ATXN7L1: variants seen among roughly 807,000 people sequenced by gnomAD.
ATXN7L1 encodes ataxin 7 like 1.
A neutral mutation model predicts 70.8 loss-of-function variants in ATXN7L1; 15 were observed. The ratio of observed to expected loss-of-function variants is 0.21; its 90% CI spans 0.14 to 0.33. The LOEUF (loss-of-function observed/expected upper bound fraction) is 0.33. Ranked by LOEUF, ATXN7L1 falls within the 10% of genes least tolerant of loss-of-function variation. The probability of loss-of-function intolerance (pLI) is 1.00; values close to 1 mark genes in which losing one functional copy is unlikely to be tolerated. For synonymous variants in ATXN7L1, 440 were observed against 445.1 expected (o/e 0.99, Z 0.14); for missense variants, 975 against 1,097.1 (o/e 0.89, Z 1.57).
chr7:105,731,768 GAAA>G (rs533862301), intron 3 of ATXN7L1, among the ~76,000 whole-genome samples: 4 of 147,690 alleles, frequency 2.7e-5, no homozygotes, highest in Non-Finnish European at 4.5e-5. Flanking sequence ...GAAAAGAAAA[GAAA>G]AGAAAAGAAA....
At chr7:105,718,247 A>G (rs1200111189) in intron 3 of ATXN7L1, among the ~76,000 whole-genome samples, 1 of 152,184 alleles carries the variant, frequency 6.6e-6, no homozygotes, top group African/African-American at 2.4e-5. Flanking sequence ...AGGATACCTG[A>G]GTGGGGAAGA....
At chr7:105,680,462 T>G (rs1805387088) in intron 3 of ATXN7L1, among the ~76,000 whole-genome samples, 1 of 152,158 alleles carries the variant, frequency 6.6e-6, no homozygotes, top group Non-Finnish European at 1.5e-5. Flanking sequence ...TTCATCAGTT[T>G]CAGATTGAGA....
chr7:105,680,471 G>C (rs1805388763), intron 3 of ATXN7L1, among the ~76,000 whole-genome samples: 1 of 152,228 alleles, frequency 6.6e-6, no homozygotes, highest in Non-Finnish European at 1.5e-5. Context: ...TTCAGATTGA[G>C]AGGGAGTTGT....
rs1193411910 is a variant in ATXN7L1 at position 105,772,911 on chromosome 7, G to A, written c.355+15693C>T. The stretch of plus-strand genomic sequence containing the variant: ...TTATATACATTTTTCAATCACGTGA[G>A]ACATTTACAAAAGTGGTTCACATGC... On this transcript the variant is annotated intron_variant, in intron 3 of 11. Coordinates refer to ENST00000419735, the MANE Select transcript of ATXN7L1 (RefSeq NM_020725.2). 2.0e-5 allele frequency among the ~76,000 whole-genome samples: 3 copies of A among 152,132 alleles called. No homozygotes were observed. In the East Asian group the frequency reaches 5.8e-4, roughly 29 times the overall value.
At chr7:105,845,891 C>T (rs1169754428) in intron 2 of ATXN7L1, among the ~76,000 whole-genome samples, 1 of 152,166 alleles carries the variant, frequency 6.6e-6, no homozygotes, top group Non-Finnish European at 1.5e-5. Flanking sequence ...TGTACAAAAA[C>T]ATACCTCGAA....
chr7:105,716,383 G>A (rs997078658), intron 3 of ATXN7L1, among the ~76,000 whole-genome samples: 4 of 152,080 alleles, frequency 2.6e-5, no homozygotes, highest in Admixed American at 1.3e-4. Flanking sequence ...TTCCCGCAGC[G>A]TTTGGAGACC....
rs552250498 is a variant in ATXN7L1, at chr7:105,826,055, C to G, written c.251-37347G>C. 8.6e-5 allele frequency among the ~76,000 whole-genome samples: 13 copies of G among 151,850 alleles called. No homozygotes were observed. In the East Asian group the frequency reaches 1.4e-3, roughly 16 times the overall value. On this transcript the variant is annotated intron_variant, in intron 2 of 11. Transcript: ENST00000419735. Reference sequence around the variant, plus strand: ...AATGAAGAAGTACTCATATATATACCCTTTATAGAGATATGGAGTAAATAC... The same window carrying G: ...AATGAAGAAGTACTCATATATATACGCTTTATAGAGATATGGAGTAAATAC...
chr7:105,763,305 G>A (rs1284314918), intron 3 of ATXN7L1, among the ~76,000 whole-genome samples: 1 of 152,114 alleles, frequency 6.6e-6, no homozygotes, highest in Non-Finnish European at 1.5e-5. Flanking sequence ...CCATCCCTCT[G>A]TGTCCACTCA....
rs147839063 is a variant in ATXN7L1, at chr7:105,672,642, T to C, written c.356-7354A>G. Among the ~76,000 whole-genome samples the C allele has an allele frequency of 1.8e-4, 28 of 152,306 alleles. No homozygotes were observed. In the East Asian group the frequency reaches 5.4e-3, roughly 29 times the overall value. ...GAAAACATCAGATCTGGGGATGTTT[T>C]CAGAGCCCCTGTCTTAACTCTGGGC... On this transcript the variant is annotated intron_variant, in intron 3 of 11. Coordinates refer to ENST00000419735, the MANE Select transcript of ATXN7L1 (RefSeq NM_020725.2).
chr7:105,614,527 C>A lies in ATXN7L1; in HGVS notation c.1807G>T (p.Ala603Ser), dbSNP rs960858633. ...IMDSTFKAPSAVSPIPAVIPS... is the reference protein window; with the variant it reads ...IMDSTFKAPSSVSPIPAVIPS... ...ATGACGGCTGGTATCGGGGACACGG[C>A]GGATGGGGCCTTGAAGGTTGAGTCC... Residue 603 changes from alanine (A) to serine (S), a missense_variant, in exon 10 of 12, where the codon GCC becomes TCC. Ala to Ser is a moderately conservative substitution (Grantham distance 99). Transcript: ENST00000419735. This position sits in a 1 kb window ranked among gnomAD's most constrained non-coding sequence, Gnocchi z 4.3. The A allele has an allele frequency of 1.3e-6, 2 of 1,535,216 alleles. No individual in the cohort carries two copies. Among genetic ancestry groups the A allele is most frequent in the Non-Finnish European group, 1.8e-6 (2 of 1,137,298 alleles).
chr7:105,621,977 T>A (rs566357223), intron 8 of ATXN7L1, among the ~76,000 whole-genome samples: 1 of 152,226 alleles, frequency 6.6e-6, no homozygotes, highest in Admixed American at 6.5e-5. Context: ...TCATGTTAAG[T>A]GCTTACTGAC....
intron 3 of ATXN7L1, among the ~76,000 whole-genome samples, chr7:105,710,712 C>G (rs534255485): frequency 1.3e-5 from 2 of 152,138 alleles, no homozygotes; most frequent in African/African-American, 4.8e-5. Flanking sequence ...CACTTTTAAA[C>G]CATCTTTTTG....
At chr7:105,773,843 A>G (rs1001129743) in intron 3 of ATXN7L1, among the ~76,000 whole-genome samples, 2 of 152,182 alleles carry the variant, frequency 1.3e-5, no homozygotes, top group Non-Finnish European at 1.5e-5. Flanking sequence ...CAGGCCTACA[A>G]GTTGTGTAGA....
At chr7:105,829,657 C>T (rs575023701) in intron 2 of ATXN7L1, among the ~76,000 whole-genome samples, 1 of 152,200 alleles carries the variant, frequency 6.6e-6, no homozygotes, top group Non-Finnish European at 1.5e-5. Context: ...CCATCTTCAA[C>T]GTAACCAAAA....
At chr7:105,686,413 G>GCGCCTGTAATCCTA (rs1806191510) in intron 3 of ATXN7L1, among the ~76,000 whole-genome samples, 1 of 152,172 alleles carries the variant, frequency 6.6e-6, no homozygotes, top group Admixed American at 6.5e-5. Flanking sequence ...CTACTTGGGA[G>GCGCCTGTAATCCTA]GCTGAGGCAG....
chr7:105,758,168 G>A (rs1800042599), intron 3 of ATXN7L1, among the ~76,000 whole-genome samples: 1 of 152,116 alleles, frequency 6.6e-6, no homozygotes, highest in Non-Finnish European at 1.5e-5. Context: ...TTCCTGGTGG[G>A]CAGGCTGGGC....
intron 2 of ATXN7L1, among the ~76,000 whole-genome samples, chr7:105,870,635 T>TA (rs934957721): frequency 3.3e-5 from 5 of 151,948 alleles, no homozygotes; most frequent in South Asian, 2.1e-4. Flanking sequence ...TGGTATTCTT[T>TA]AAAAAAAAAT....
intron 2 of ATXN7L1, among the ~76,000 whole-genome samples, chr7:105,807,834 C>T (rs922235703): frequency 2.6e-5 from 4 of 152,208 alleles, no homozygotes; most frequent in Non-Finnish European, 5.9e-5. Flanking sequence ...CTGCGCTATC[C>T]GCACCAGAAG....
At chr7:105,786,351 G>T (rs986527390) in intron 3 of ATXN7L1, among the ~76,000 whole-genome samples, 21 of 152,166 alleles carry the variant, frequency 1.4e-4, no homozygotes, top group African/African-American at 5.1e-4. Flanking sequence ...AGGTGTATCA[G>T]CTCTGCTAAA....
Sources: allele counts gnomAD v4.1 joint callset (sites outside exome capture counted in the v4.1 genomes callset), GRCh38; gene constraint gnomAD v4.1.1; non-coding constraint Gnocchi (gnomAD v3.1); transcripts MANE v1.5; gene names NCBI Gene and HGNC (gene_info 2026-07-23, HGNC 2026-07-21).